The following TCF7L2 variants were observed in gnomAD, a reference collection of about 807,000 sequenced individuals.
The protein encoded by TCF7L2 is transcription factor 7 like 2, also known as transcription factor 7-like 2.
TCF7L2 carries 23 observed loss-of-function variants against 77.9 expected under a neutral mutation model. The observed-to-expected ratio is 0.30, with a 90% CI of 0.21 to 0.42. The LOEUF is 0.42. TCF7L2 is among the 10% of genes least tolerant of loss of function. The pLI is 1.00. For synonymous variants in TCF7L2, 413 were observed against 340.2 expected (o/e 1.21, Z -2.36); for missense variants, 654 against 793.1 (o/e 0.82, Z 2.11).
intron 5 of TCF7L2, among the ~76,000 whole-genome samples, chr10:113,137,412 T>A (rs2067587468): frequency 1.3e-5 from 2 of 152,348 alleles, no homozygotes; most frequent in Admixed American, 1.3e-4. Flanking sequence ...CATTCAGTTT[T>A]CACAACTCTG....
At position 113,006,908 on chromosome 10, in the gene TCF7L2, C is replaced by T. The variant is rs116397898; in HGVS notation, c.451-33117C>T. Among the ~76,000 whole-genome samples, 637 of 152,352 alleles carry T rather than the reference C, an allele frequency of 4.2e-3. 3 individuals carry two copies. Among genetic ancestry groups the T allele is most frequent in the African/African-American group, 0.014 (596 of 41,582 alleles). On this transcript the variant is annotated intron_variant, in intron 4 of 13. Coordinates refer to ENST00000627217, the MANE Select transcript of TCF7L2 (RefSeq NM_001146274.2). ...CAGCTTCTCCAGCCTCCTGCCCTTC[C>T]CACTTCCAGTCCTGCACCTGCTGTC...
At chr10:112,965,677 G>A (rs1432602411) in intron 4 of TCF7L2, among the ~76,000 whole-genome samples, 1 of 135,500 alleles carries the variant, frequency 7.4e-6, no homozygotes, top group Non-Finnish European at 1.6e-5. Context: ...GTGTGTGTGT[G>A]GTCTTAGGTA....
chr10:113,161,642 TA>T lies in TCF7L2; in HGVS notation c.1391+952del, dbSNP rs536135746. On this transcript the variant is annotated intron_variant, in intron 13 of 13. Coordinates refer to ENST00000627217, the MANE Select transcript of TCF7L2 (RefSeq NM_001146274.2). ...CACCCTAAACACGCTTCCCTGTTTG[TA>T]GTGCCTCCCTCGTCACGTGTCCCTC... 260 of 1,535,308 alleles carry T rather than the reference TA, an allele frequency of 1.7e-4. 2 individuals carry two copies. In the East Asian group the frequency reaches 6.3e-3, roughly 37 times the overall value.
In TCF7L2 at chr10:113,073,547, C is replaced by T. The variant is rs933484176; in HGVS notation, c.552+33421C>T. The stretch of plus-strand genomic sequence containing the variant: ...AAAAAAAAAAAATCAAAAAAATTAG[C>T]TGGGGGTGGTGGTGTGCTCCTATAG... On this transcript the variant is annotated intron_variant, in intron 5 of 13. Transcript: ENST00000627217. Among the ~76,000 whole-genome samples, 6 of 139,102 alleles carry T rather than the reference C, an allele frequency of 4.3e-5. No homozygotes were observed. The Admixed American group carries it at 4.3e-4, about 10-fold the overall frequency. 91.3% of individuals were successfully genotyped at this position (139,102 alleles called of 152,430 possible). A position where few individuals can be genotyped will look rare whatever the true frequency, so the allele number is the denominator to read the frequency against.
At chr10:113,069,342 C>T (rs2057665351) in intron 5 of TCF7L2, among the ~76,000 whole-genome samples, 1 of 152,046 alleles carries the variant, frequency 6.6e-6, no homozygotes, top group African/African-American at 2.4e-5. Context: ...AATTCTCCTG[C>T]CTCAGCCTCC....
chr10:112,976,855 T>C (rs11196175), intron 4 of TCF7L2, among the ~76,000 whole-genome samples: 29,857 of 152,196 alleles, frequency 0.2, 3,841 homozygotes, highest in Middle Eastern at 0.34. Context: ...CACTGCTGTC[T>C]TAGAGACTAT....
intron 13 of TCF7L2, chr10:113,161,553 T>G: frequency 6.5e-7 from 1 of 1,536,022 alleles, no homozygotes; most frequent in Middle Eastern, 1.7e-4. Flanking sequence ...GTTAAATGTG[T>G]TGTTTCTTTG....
intron 3 of TCF7L2, among the ~76,000 whole-genome samples, chr10:112,956,837 A>C (rs2033742600): frequency 6.6e-6 from 1 of 152,202 alleles, no homozygotes; most frequent in Non-Finnish European, 1.5e-5. Context: ...CAAGGTCCGC[A>C]GACATTGGCA....
intron 5 of TCF7L2, among the ~76,000 whole-genome samples, chr10:113,135,206 C>T (rs1207228273): frequency 6.6e-6 from 1 of 152,212 alleles, no homozygotes; most frequent in South Asian, 2.1e-4. Context: ...GGGCGCTTGG[C>T]GATGAGGGTG....
chr10:112,995,728 C>T (rs1283529379), intron 4 of TCF7L2, among the ~76,000 whole-genome samples: 1 of 152,180 alleles, frequency 6.6e-6, no homozygotes, highest in Non-Finnish European at 1.5e-5. Flanking sequence ...GGAAACCTCC[C>T]TTTCCTGAGA....
chr10:113,159,093 A>C (rs2072576702), intron 12 of TCF7L2, among the ~76,000 whole-genome samples: 1 of 150,634 alleles, frequency 6.6e-6, no homozygotes, highest in African/African-American at 2.4e-5. Context: ...CATTGCTCCC[A>C]CTAAGTTTTC....
intron 5 of TCF7L2, among the ~76,000 whole-genome samples, chr10:113,081,462 A>T (rs138354643): frequency 6.6e-6 from 1 of 152,200 alleles, no homozygotes; most frequent in African/African-American, 2.4e-5. Context: ...ATGTTCTTCC[A>T]TAGCCAGTCA....
intron 5 of TCF7L2, chr10:113,089,361 C>T (rs757333538): frequency 6.3e-7 from 1 of 1,597,880 alleles, no homozygotes; most frequent in Non-Finnish European, 8.5e-7. Flanking sequence ...CCCCCTCGCT[C>T]CCGAGCCTTA....
intron 4 of TCF7L2, among the ~76,000 whole-genome samples, chr10:112,991,393 A>G (rs1261858573): frequency 1.3e-5 from 2 of 150,220 alleles, no homozygotes; most frequent in Non-Finnish European, 2.9e-5. Context: ...CTGTAGTCCC[A>G]GCTGCTCGGG....
chr10:113,076,287 A>G (rs2058692210), intron 5 of TCF7L2, among the ~76,000 whole-genome samples: 1 of 152,050 alleles, frequency 6.6e-6, no homozygotes. Flanking sequence ...ATAGGTGTGA[A>G]TTACCATGCC....
rs1305413204 is a variant in TCF7L2 at position 112,966,209 on chromosome 10, T to TATATATATATA, written c.450+1587_450+1588insATATATATAAT. ...TTATATATATATATATATATATATA[T>TATATATATATA]ATTTTCTTTTCTTGATTACTTCTGC... is the stretch of plus-strand genomic sequence containing the variant. On this transcript the variant is annotated intron_variant, in intron 4 of 13. Coordinates refer to ENST00000627217, the MANE Select transcript of TCF7L2 (RefSeq NM_001146274.2). Among the ~76,000 whole-genome samples, 116 of 131,472 alleles carry TATATATATATA rather than the reference T, an allele frequency of 8.8e-4. 2 individuals carry two copies. The highest frequency in any genetic ancestry group is 2.4e-3 in the African/African-American group (82 of 34,500). 86.3% of individuals were successfully genotyped at this position (131,472 alleles called of 152,430 possible).
intron 5 of TCF7L2, among the ~76,000 whole-genome samples, chr10:113,131,628 G>T (rs1252010881): frequency 6.6e-6 from 1 of 152,110 alleles, no homozygotes; most frequent in African/African-American, 2.4e-5. Flanking sequence ...GTAAATTCCC[G>T]ACTCCAGTGA....
intron 4 of TCF7L2, among the ~76,000 whole-genome samples, chr10:112,997,710 C>T (rs969729898): frequency 1.3e-5 from 2 of 152,190 alleles, no homozygotes; most frequent in East Asian, 3.9e-4. Flanking sequence ...TCCTGCCTTC[C>T]TTCTGAGTAA....
intron 6 of TCF7L2, among the ~76,000 whole-genome samples, chr10:113,143,188 G>A (rs904952581): frequency 3.9e-5 from 6 of 152,362 alleles, no homozygotes; most frequent in South Asian, 4.1e-4. Flanking sequence ...TGCAGAATCC[G>A]CTCATGTGTG....
Sources: gnomAD v4.1 joint callset for allele counts (sites outside exome capture counted in the v4.1 genomes callset) on GRCh38, gnomAD v4.1.1 for gene constraint, MANE v1.5 for transcripts, NCBI Gene and HGNC (gene_info 2026-07-23, HGNC 2026-07-21) for gene names.